SLC19A1: variants seen among roughly 807,000 people sequenced by gnomAD.
SLC19A1 encodes the protein solute carrier family 19 member 1.
SLC19A1 carries 37 observed loss-of-function variants against 35.3 expected under a neutral mutation model. The ratio of observed to expected loss-of-function variants is 1.05; its 90% CI spans 0.81 to 1.38. The LOEUF (loss-of-function observed/expected upper bound fraction) is 1.38, where lower values mean the gene tolerates loss of function less well. Among genes scored for constraint, SLC19A1 ranks in the 40% most tolerant of loss-of-function variants. The pLI, the probability that SLC19A1 is intolerant of heterozygous loss-of-function variation, is 0.00. For synonymous variants in SLC19A1, 460 were observed against 398.5 expected (o/e 1.15, Z -1.84); for missense variants, 831 against 826.9 (o/e 1.00, Z -0.06).
chr21:45,504,842 G>C (rs2037094527), intron 3 of SLC19A1, among the ~76,000 whole-genome samples: 3 of 152,222 alleles, frequency 2.0e-5, no homozygotes, highest in African/African-American at 7.2e-5. Context: ...GTCAGATCAG[G>C]GTTTAGGCCC....
At chr21:45,551,066 G>A (rs1269817043) in intron 1 of SLC19A1, among the ~76,000 whole-genome samples, 6 of 150,494 alleles carry the variant, frequency 4.0e-5, no homozygotes, top group East Asian at 3.9e-4. Flanking sequence ...TCCCAGCTAC[G>A]CCTGGGTTGG....
intron 2 of SLC19A1, among the ~76,000 whole-genome samples, chr21:45,535,195 G>A (rs1376511275): frequency 6.6e-6 from 1 of 152,192 alleles, no homozygotes; most frequent in Non-Finnish European, 1.5e-5. Context: ...AGGAGGGCGG[G>A]GGCTGCAGCT....
At chr21:45,516,314 C>CG (rs1555879339) in intron 5 of SLC19A1, among the ~76,000 whole-genome samples, 174 bp from the exon 6 acceptor site, 1 of 45,886 alleles carries the variant, frequency 2.2e-5, no homozygotes, top group African/African-American at 9.0e-5. Flanking sequence ...CTCACCACAG[C>CG]CCCCCCGACC....
chr21:45,541,486 C>A (rs1294757696), intron 1 of SLC19A1, among the ~76,000 whole-genome samples: 1 of 152,262 alleles, frequency 6.6e-6, no homozygotes, highest in Non-Finnish European at 1.5e-5. Flanking sequence ...GATTTCGGGG[C>A]CAGCTTAGTT....
chr21:45,523,279 C>T (rs1438312269), intron 5 of SLC19A1, among the ~76,000 whole-genome samples: 2 of 152,176 alleles, frequency 1.3e-5, no homozygotes, highest in East Asian at 3.9e-4. Flanking sequence ...GATGTCCAGC[C>T]ATGAGCAAAA....
intron 3 of SLC19A1, chr21:45,505,802 C>T (rs748392655): frequency 3.8e-5 from 58 of 1,543,504 alleles, no homozygotes; most frequent in African/African-American, 6.8e-5. Context: ...CCGCCCTCCC[C>T]GCCAAGCCCC....
chr21:45,559,255 C>G (rs2146516126), intron 1 of SLC19A1, among the ~76,000 whole-genome samples: 1 of 152,342 alleles, frequency 6.6e-6, no homozygotes, highest in South Asian at 2.1e-4. Flanking sequence ...CTGCCAGCCC[C>G]TCAGCTGTGT....
At chr21:45,531,003 C>A in intron 3 of SLC19A1, 32 bp from the exon 4 acceptor site, 2 of 1,391,694 alleles carry the variant, frequency 1.4e-6, no homozygotes, top group Non-Finnish European at 1.9e-6. Flanking sequence ...GTTGCAGCGG[C>A]CCTGGGGGGC....
At chr21:45,559,347 C>A (rs992525419) in intron 1 of SLC19A1, among the ~76,000 whole-genome samples, 1 of 152,100 alleles carries the variant, frequency 6.6e-6, no homozygotes, top group Non-Finnish European at 1.5e-5. Flanking sequence ...GTATTTAGGT[C>A]GGTGAGGTGT....
At chr21:45,560,602 G>A (rs2078606417) in intron 1 of SLC19A1, among the ~76,000 whole-genome samples, 1 of 152,234 alleles carries the variant, frequency 6.6e-6, no homozygotes, top group African/African-American at 2.4e-5. Context: ...GGAGGGAAGA[G>A]ACAACACCAG....
intron 3 of SLC19A1, 45 bp from the exon 4 acceptor site, chr21:45,531,016 C>A: frequency 7.9e-6 from 2 of 253,326 alleles, no homozygotes; most frequent in Non-Finnish European, 1.0e-5. Flanking sequence ...TGGGGGGCCA[C>A]GGGGCAGGGG....
downstream of SLC19A1, among the ~76,000 whole-genome samples, chr21:45,510,685 G>T (rs2037527271): frequency 6.6e-6 from 1 of 152,184 alleles, no homozygotes; most frequent in Non-Finnish European, 1.5e-5. Flanking sequence ...TTATTCTGTG[G>T]CCCCTTTTCG....
chr21:45,548,832 T>C (rs1314910108), upstream of SLC19A1, among the ~76,000 whole-genome samples: 1 of 152,182 alleles, frequency 6.6e-6, no homozygotes, highest in African/African-American at 2.4e-5. Flanking sequence ...AATATCATAA[T>C]CCTTTGTCAT....
Position 45,531,833 on chromosome 21 carries a change from C to A in SLC19A1, c.505G>T (p.Val169Leu). 1 of 1,587,548 alleles carries A rather than the reference C, an allele frequency of 6.3e-7. No individual in the cohort carries two copies. The highest frequency in any genetic ancestry group is 8.6e-7 in the Non-Finnish European group (1 of 1,167,550). The change falls in exon 3 of 6, where the codon GTG becomes TTG. Residue 169 changes from valine to leucine, a missense_variant. Transcript: ENST00000311124. Reference protein sequence around the residue: ...AVLLGVFTSSVLGQLLVTVGR... With the variant: ...AVLLGVFTSSLLGQLLVTVGR... ...ACAGTGACCAGCAGCTGGCCCAGCA[C>A]GGAGCTGGTGAACACGCCCAGCAGC...
rs1210839408 is a variant in SLC19A1 at position 45,530,079 on chromosome 21, T to G, written c.1151+691A>C. Among the ~76,000 whole-genome samples, 2 of 151,048 alleles carry G rather than the reference T, an allele frequency of 1.3e-5. No homozygotes were observed. Among genetic ancestry groups the G allele is most frequent in the African/African-American group, 4.9e-5 (2 of 40,952 alleles). ...TGTCCATCTGTGAGCATGTGGTGTG[T>G]GTTCGTGTGTGGTGTGTCTGTGTGG... On this transcript the variant is annotated intron_variant, in intron 4 of 5. Coordinates refer to ENST00000311124, the MANE Select transcript of SLC19A1 (RefSeq NM_194255.4). This position sits in a 1 kb window ranked among gnomAD's most constrained non-coding sequence, Gnocchi z 5.3.
chr21:45,509,331 C>G (rs930401118), downstream of SLC19A1: 1 of 1,541,976 alleles, frequency 6.5e-7, no homozygotes, highest in Non-Finnish European at 8.7e-7. Flanking sequence ...CCCCCGCCGA[C>G]AGGCCCCACG....
intron 3 of SLC19A1, chr21:45,507,324 T>C: frequency 1.7e-6 from 1 of 576,628 alleles, no homozygotes; most frequent in South Asian, 1.9e-5. Context: ...TCCTGTGGGC[T>C]GGCAGGGCCG....
At chr21:45,535,004 G>GGAGGCGGGAAGGTGGGC (rs2078060547) in intron 2 of SLC19A1, among the ~76,000 whole-genome samples, 1 of 152,290 alleles carries the variant, frequency 6.6e-6, no homozygotes, top group Non-Finnish European at 1.5e-5. Context: ...CTCTGAACAG[G>GGAGGCGGGAAGGTGGGC]GAGGCGGGAA....
chr21:45,507,696 G>C, downstream of SLC19A1: 4 of 1,109,808 alleles, frequency 3.6e-6, no homozygotes, highest in Admixed American at 7.8e-5. Context: ...TGGAGTCCTG[G>C]AGCTGAACAT....
Sources: gnomAD v4.1 joint callset for allele counts (sites outside exome capture counted in the v4.1 genomes callset) on GRCh38, gnomAD v4.1.1 for gene constraint, Gnocchi (gnomAD v3.1) non-coding constraint, MANE v1.5 for transcripts, NCBI Gene and HGNC (gene_info 2026-07-23, HGNC 2026-07-21) for gene names.